The following KLF9 variants were observed in gnomAD, a reference collection of about 807,000 sequenced individuals.
KLF9 encodes Krueppel-like factor 9.
In KLF9, 2 loss-of-function variants were observed where a neutral mutation model predicts 17.3. The ratio of observed to expected loss-of-function variants is 0.12; its 90% CI spans 0.05 to 0.36. The LOEUF (loss-of-function observed/expected upper bound fraction) is 0.36, where lower values mean the gene tolerates loss of function less well. KLF9 is among the 10% of genes least tolerant of loss of function. KLF9 has a pLI of 1.00. For missense variants in KLF9, 226 were observed against 333.2 expected, an observed-to-expected ratio of 0.68 and a Z score of 2.51; for synonymous variants, 138 against 139.2, an observed-to-expected ratio of 0.99 and a Z score of 0.06.
At position 70,386,574 on chromosome 9, in the gene KLF9, G is replaced by A. The variant is rs972523921; in HGVS notation, c.*1202C>T. ...TCTTGCACCTGAGAGTGGGAGTTTT[G>A]TAGGAACACAGGAAGGAGACCAACA... On this transcript the variant is annotated 3_prime_UTR_variant, in exon 2 of 2. Coordinates refer to ENST00000377126, the MANE Select transcript of KLF9 (RefSeq NM_001206.4). 3 of 152,548 alleles carry A rather than the reference G, an allele frequency of 2.0e-5. No homozygotes were observed. The highest frequency in any genetic ancestry group is 2.9e-5 in the Non-Finnish European group (2 of 68,034). The allele number at this position is 152,548 out of a possible 1,614,324, so 9.4% of individuals were successfully genotyped here.
At chr9:70,393,328 GA>G (rs993583235) in intron 1 of KLF9, among the ~76,000 whole-genome samples, 3 of 152,174 alleles carry the variant, frequency 2.0e-5, no homozygotes, top group Non-Finnish European at 4.4e-5. Flanking sequence ...GATGCCAAAT[GA>G]AGCCCATTTT....
chr9:70,388,141 A>C, intron 1 of KLF9, 136 bp from the exon 2 acceptor site: 4 of 703,824 alleles, frequency 5.7e-6, no homozygotes, highest in East Asian at 2.8e-5. Context: ...CCTCCCCAAA[A>C]TCCCTATGTT....
At chr9:70,401,504 G>A (rs1587741230) in intron 1 of KLF9, among the ~76,000 whole-genome samples, 2 of 151,830 alleles carry the variant, frequency 1.3e-5, no homozygotes, top group South Asian at 4.2e-4. Flanking sequence ...TGGCCAACAT[G>A]GTGAAACCCT....
chr9:70,407,889 G>T (rs1443249865), intron 1 of KLF9, among the ~76,000 whole-genome samples: 1 of 152,194 alleles, frequency 6.6e-6, no homozygotes, highest in African/African-American at 2.4e-5. Context: ...CTTTTGCATA[G>T]ATTGTTATTC....
chr9:70,412,855 T>A lies in KLF9; in HGVS notation c.505+4A>T. The stretch of plus-strand genomic sequence containing the variant: ...GCTCCGGGGGAGAGGGCGACGCCGC[T>A]AACCTGTATGCACTCTGTAATGGGC... On this transcript the variant is annotated splice_donor_region_variant and intron_variant, in intron 1 of 1. Coordinates refer to ENST00000377126, the MANE Select transcript of KLF9 (RefSeq NM_001206.4). 1 of 1,558,476 alleles carries A rather than the reference T, an allele frequency of 6.4e-7. No individual in the cohort carries two copies. Among genetic ancestry groups the A allele is most frequent in the Non-Finnish European group, 8.7e-7 (1 of 1,150,570 alleles).
rs1355298706 is a variant in KLF9 at position 70,413,780 on chromosome 9, C to T, written c.-417G>A. On this transcript the variant is annotated 5_prime_UTR_variant, in exon 1 of 2. Transcript: ENST00000377126. This position sits in a 1 kb window ranked among gnomAD's most constrained non-coding sequence, Gnocchi z 5.6. Reference sequence around the variant, plus strand: ...GGAAACTGCAAGAGAGGTGCACGCCCTCGGCCGCCTCGCCGTCGAGCCAAA... The same window carrying T: ...GGAAACTGCAAGAGAGGTGCACGCCTTCGGCCGCCTCGCCGTCGAGCCAAA... 1 of 152,884 alleles carries T rather than the reference C, an allele frequency of 6.5e-6. No individual in the cohort carries two copies. The highest frequency in any genetic ancestry group is 1.9e-4 in the East Asian group (1 of 5,170). 9.5% of individuals were successfully genotyped at this position (152,884 alleles called of 1,614,324 possible).
intron 1 of KLF9, 106 bp downstream of exon 1, chr9:70,412,753 G>T: frequency 9.5e-7 from 1 of 1,054,702 alleles, no homozygotes; most frequent in Non-Finnish European, 1.4e-6. Context: ...TATCCAACAT[G>T]TTTGCACCCT....
Position 70,387,788 on chromosome 9 carries a change from G to A in KLF9, c.723C>T (p.Ala241=). Residue 241 remains alanine (A), a synonymous_variant, in exon 2 of 2, where the codon GCC becomes GCT. Transcript: ENST00000377126. The part of the protein sequence containing the change: ...SMIKRSKKAL[A]NAL ...CACGGGCAGCACCTCACAAAGCGTT[G>A]GCCAGCGCCTTTTTCGATCGCTTGA... 6.2e-7 allele frequency: 1 copy of A among 1,613,940 alleles called. No individual in the cohort carries two copies. The highest frequency in any genetic ancestry group is 8.5e-7 in the Non-Finnish European group (1 of 1,179,976).
intron 1 of KLF9, among the ~76,000 whole-genome samples, chr9:70,405,652 T>C (rs955998207): frequency 1.3e-5 from 2 of 152,116 alleles, no homozygotes; most frequent in African/African-American, 2.4e-5. Context: ...AAGTCAATTA[T>C]ACCACACTAG....
Position 70,387,419 on chromosome 9 carries a change from T to C in KLF9, c.*357A>G. On this transcript the variant is annotated 3_prime_UTR_variant, in exon 2 of 2. Coordinates refer to ENST00000377126, the MANE Select transcript of KLF9 (RefSeq NM_001206.4). ...TAAAATTCTACCCCAGTCTTGGCCT[T>C]ACCCCCCTCCCCCCCACCCACTCCC... 5.9e-6 allele frequency: 1 copy of C among 169,928 alleles called. No homozygotes were observed. The highest frequency in any genetic ancestry group is 2.5e-5 in the African/African-American group (1 of 40,536). 10.5% of individuals were successfully genotyped at this position (169,928 alleles called of 1,614,324 possible).
At chr9:70,399,195 G>A (rs767661916) in intron 1 of KLF9, among the ~76,000 whole-genome samples, 48 of 152,160 alleles carry the variant, frequency 3.2e-4, no homozygotes, top group Non-Finnish European at 5.7e-4. Context: ...TAGTGCAGAG[G>A]CAAAATGTGG....
chr9:70,409,222 A>G lies in KLF9; in HGVS notation c.505+3637T>C, dbSNP rs140904499. On this transcript the variant is annotated intron_variant, in intron 1 of 1. Coordinates refer to ENST00000377126, the MANE Select transcript of KLF9 (RefSeq NM_001206.4). ...TATGTATATATATATACATATATGT[A>G]TATATATATACTGAAAAATATTTTT... 3.5e-3 allele frequency among the ~76,000 whole-genome samples: 448 copies of G among 128,844 alleles called. 16 individuals carry two copies. The highest frequency in any genetic ancestry group is 6.7e-3 in the South Asian group (28 of 4,190). 84.5% of individuals were successfully genotyped at this position (128,844 alleles called of 152,430 possible).
rs1024060395 is a variant in KLF9, at chr9:70,412,846, C to T, written c.505+13G>A. On this transcript the variant is annotated intron_variant, in intron 1 of 1. Transcript: ENST00000377126. ...AACCCCAGAGCTCCGGGGGAGAGGG[C>T]GACGCCGCTAACCTGTATGCACTCT... The T allele has an allele frequency of 2.1e-5, 33 of 1,538,528 alleles. No homozygotes were observed. The highest frequency in any genetic ancestry group is 2.6e-5 in the Non-Finnish European group (30 of 1,140,946).
Position 70,413,470 on chromosome 9 carries a change from A to G in KLF9, c.-107T>C. The G allele has an allele frequency of 6.7e-6, 8 of 1,186,864 alleles. No homozygotes were observed. The highest frequency in any genetic ancestry group is 3.4e-5 in the East Asian group (1 of 29,630). 73.5% of individuals were successfully genotyped at this position (1,186,864 alleles called of 1,614,324 possible). On this transcript the variant is annotated 5_prime_UTR_variant, in exon 1 of 2. Transcript: ENST00000377126. The surrounding 1 kb of genome is among the most constrained non-coding windows in gnomAD (Gnocchi z 5.6). ...GACGACGAGCGCGGCGCGGCGCGGC[A>G]CGGCGCGGCGGCCAAGGGGGCGGGG...
chr9:70,406,321 A>AT (rs1024213081), intron 1 of KLF9, among the ~76,000 whole-genome samples: 1 of 152,206 alleles, frequency 6.6e-6, no homozygotes, highest in African/African-American at 2.4e-5. Context: ...GTCAAGGCAG[A>AT]TAGGCAGCTT....
intron 1 of KLF9, 29 bp from the exon 2 acceptor site, chr9:70,388,034 G>A (rs1176628144): frequency 6.4e-7 from 1 of 1,573,424 alleles, no homozygotes; most frequent in Non-Finnish European, 8.7e-7. Context: ...AAAGGATACA[G>A]CTCAAAGAAC....
At chr9:70,398,648 T>C (rs1430950200) in intron 1 of KLF9, among the ~76,000 whole-genome samples, 2 of 151,896 alleles carry the variant, frequency 1.3e-5, no homozygotes, top group Non-Finnish European at 2.9e-5. Flanking sequence ...CCTGCCACCA[T>C]GCCCAGCTAA....
At chr9:70,394,840 G>A (rs1177502859) in intron 1 of KLF9, among the ~76,000 whole-genome samples, 1 of 152,108 alleles carries the variant, frequency 6.6e-6, no homozygotes, top group Non-Finnish European at 1.5e-5. Flanking sequence ...CAATATAAAA[G>A]AAAATGAACA....
chr9:70,386,192 T>C lies in KLF9; in HGVS notation c.*1584A>G, dbSNP rs1172626257. On this transcript the variant is annotated 3_prime_UTR_variant, in exon 2 of 2. Transcript: ENST00000377126. ...TCTGAAGAAAAAAAAAATGTAAACA[T>C]TTCCCCCATGATCACTGCTGACTCC... The C allele has an allele frequency of 6.6e-6, 1 of 152,638 alleles. No individual in the cohort carries two copies. Among genetic ancestry groups the C allele is most frequent in the Non-Finnish European group, 1.5e-5 (1 of 68,026 alleles). 9.5% of individuals were successfully genotyped at this position (152,638 alleles called of 1,614,324 possible). A position where few individuals can be genotyped will look rare whatever the true frequency, so the allele number is the denominator to read the frequency against.
Sources: allele counts gnomAD v4.1 joint callset (sites outside exome capture counted in the v4.1 genomes callset), GRCh38; gene constraint gnomAD v4.1.1; non-coding constraint Gnocchi (gnomAD v3.1); transcripts MANE v1.5; gene names NCBI Gene and HGNC (gene_info 2026-07-23, HGNC 2026-07-21).